The following PAGE2B variants were observed in gnomAD, a reference collection of about 807,000 sequenced individuals.
PAGE2B encodes the protein PAGE family member 2B.
PAGE2B carries 5 observed loss-of-function variants against 7.6 expected under a neutral mutation model. The observed-to-expected ratio is 0.66, with a 90% CI of 0.34 to 1.38. The LOEUF (loss-of-function observed/expected upper bound fraction) is 1.38, where lower values mean the gene tolerates loss of function less well. Ranked by LOEUF, PAGE2B falls within the 40% of genes most tolerant of loss-of-function variation. The pLI is 0.04. For missense variants in PAGE2B, 70 were observed against 78.4 expected (o/e 0.89, Z 0.41); for synonymous variants, 29 against 26.7 (o/e 1.09, Z -0.27).
At chrX:55,038,582 G>T in the PAGE2B span, among the ~76,000 whole-genome samples, 3 of 111,741 alleles carry the variant, frequency 2.7e-5, no homozygotes, top group African/African-American at 9.7e-5. Flanking sequence ...AATGGCACAT[G>T]AGGGTTTAGC....
At chrX:55,065,354 T>A in the PAGE2B span, among the ~76,000 whole-genome samples, 1 of 111,849 alleles carries the variant, frequency 8.9e-6, no homozygotes, top group Non-Finnish European at 1.9e-5. Flanking sequence ...TTTTGTATGA[T>A]ATTAAGATAG....
upstream of PAGE2B, among the ~76,000 whole-genome samples, chrX:55,070,179 T>C (rs777319210): frequency 1.8e-5 from 2 of 112,023 alleles, no homozygotes; most frequent in Admixed American, 9.5e-5. Flanking sequence ...CAATTACTGC[T>C]ATAAATTTCC....
chrX:55,040,813 T>C, the PAGE2B span, among the ~76,000 whole-genome samples: 101 of 111,676 alleles, frequency 9.0e-4, no homozygotes, highest in Admixed American at 3.4e-3. Flanking sequence ...ATGTTAAGTA[T>C]ATTTTACCAT....
At chrX:55,065,619 T>C in the PAGE2B span, among the ~76,000 whole-genome samples, 1 of 112,134 alleles carries the variant, frequency 8.9e-6, no homozygotes, top group Admixed American at 9.5e-5. Context: ...CTTCTCTTTC[T>C]TCTTTTGTAC....
chrX:55,054,346 C>T, the PAGE2B span, among the ~76,000 whole-genome samples: 1 of 112,455 alleles, frequency 8.9e-6, no homozygotes, highest in African/African-American at 3.2e-5. Context: ...CCAAAGAAAA[C>T]AGCAGTTCAT....
chrX:55,053,235 C>G, the PAGE2B span, among the ~76,000 whole-genome samples: 1 of 111,618 alleles, frequency 9.0e-6, no homozygotes. Context: ...ACAAGTGAAG[C>G]TGGAAGCCAT....
the PAGE2B span, among the ~76,000 whole-genome samples, chrX:55,046,972 C>T: frequency 4.5e-5 from 5 of 111,716 alleles, no homozygotes; most frequent in Non-Finnish European, 9.4e-5. Flanking sequence ...TACATGTGCA[C>T]AACGTGCAGG....
chrX:55,075,105 G>C lies in PAGE2B; in HGVS notation c.-18G>C, dbSNP rs192095553. The C allele has an allele frequency of 8.6e-6, 1 of 115,697 alleles. No individual in the cohort carries two copies. The highest frequency in any genetic ancestry group is 1.8e-5 in the Non-Finnish European group (1 of 54,946). The allele number at this position is 115,697 out of a possible 1,213,427, so 9.5% of individuals were successfully genotyped here. On this transcript the variant is annotated 5_prime_UTR_variant, in exon 1 of 5. Coordinates refer to ENST00000374971, the MANE Select transcript of PAGE2B (RefSeq NM_001015038.3). Reference sequence around the variant, plus strand: ...ATCTTGATTCTTTGTCACTGACCGAGACTCAGCCGGTAGGTCCGCAGAGCG... The same window carrying C: ...ATCTTGATTCTTTGTCACTGACCGACACTCAGCCGGTAGGTCCGCAGAGCG...
chrX:55,058,548 G>T, the PAGE2B span, among the ~76,000 whole-genome samples: 5 of 111,749 alleles, frequency 4.5e-5, no homozygotes, highest in Admixed American at 4.8e-4. Flanking sequence ...AGGGTGAACA[G>T]AAATGTTATT....
At chrX:55,075,434 C>T (rs1602275932) in intron 1 of PAGE2B, among the ~76,000 whole-genome samples, 1 of 110,979 alleles carries the variant, frequency 9.0e-6, no homozygotes, top group Non-Finnish European at 1.9e-5. Flanking sequence ...AGTTTCCAGA[C>T]TCCTCGGTAG....
upstream of PAGE2B, among the ~76,000 whole-genome samples, chrX:55,071,147 GT>G (rs1178234976): frequency 9.0e-6 from 1 of 110,988 alleles, no homozygotes; most frequent in Non-Finnish European, 1.9e-5. Context: ...TTTACGATTA[GT>G]TTTTTTTGTT....
chrX:55,051,947 C>A, the PAGE2B span, among the ~76,000 whole-genome samples: 3 of 111,418 alleles, frequency 2.7e-5, no homozygotes, highest in Non-Finnish European at 5.7e-5. Context: ...GTTTTATCTA[C>A]CTTTGGTCTT....
chrX:55,031,137 C>G, the PAGE2B span: 7 of 254,624 alleles, frequency 2.7e-5, no homozygotes, highest in East Asian at 7.5e-4. Context: ...TAGTGTACCC[C>G]CTCCCCCAGC....
chrX:55,065,244 T>A, the PAGE2B span, among the ~76,000 whole-genome samples: 1 of 111,813 alleles, frequency 8.9e-6, no homozygotes, highest in African/African-American at 3.2e-5. Context: ...GTTGGGTGCA[T>A]ATATATTTAT....
the PAGE2B span, among the ~76,000 whole-genome samples, chrX:55,035,799 T>A: frequency 9.0e-6 from 1 of 111,653 alleles, no homozygotes; most frequent in Admixed American, 9.5e-5. Context: ...TGTAAAAGAG[T>A]GAATCTGTTT....
Position 55,075,439 on chromosome X carries a change from C to A in PAGE2B, c.-9+325C>A, listed in dbSNP as rs182619734. Among the ~76,000 whole-genome samples, 461 of 110,657 alleles carry A rather than the reference C, an allele frequency of 4.2e-3. 3 individuals are homozygous for A. Among genetic ancestry groups the A allele is most frequent in the African/African-American group, 0.015 (446 of 30,384 alleles). ...GAGAGAGGACAGTTTCCAGACTCCT[C>A]GGTAGGGACGCGGGAAGAGACCATG... On this transcript the variant is annotated intron_variant, in intron 1 of 4. Transcript: ENST00000374971.
the PAGE2B span, among the ~76,000 whole-genome samples, chrX:55,066,535 T>C: frequency 9.0e-4 from 101 of 112,377 alleles, no homozygotes; most frequent in African/African-American, 3.0e-3. Context: ...CATGCTTGAA[T>C]AATATTTTCA....
At chrX:55,050,742 C>G in the PAGE2B span, among the ~76,000 whole-genome samples, 3 of 111,593 alleles carry the variant, frequency 2.7e-5, no homozygotes, top group South Asian at 3.8e-4. Context: ...AGCACACTGA[C>G]AGGTCTTGGC....
chrX:55,038,586 G>C, the PAGE2B span, among the ~76,000 whole-genome samples: 1 of 111,602 alleles, frequency 9.0e-6, no homozygotes, highest in African/African-American at 3.3e-5. Context: ...GCACATGAGG[G>C]TTTAGCTGTC....
Sources: allele counts gnomAD v4.1 joint callset (sites outside exome capture counted in the v4.1 genomes callset), GRCh38; gene constraint gnomAD v4.1.1; transcripts MANE v1.5; gene names NCBI Gene and HGNC (gene_info 2026-07-23, HGNC 2026-07-21).